PTPRR: variants seen among roughly 807,000 people sequenced by gnomAD.
PTPRR encodes the protein receptor-type tyrosine-protein phosphatase R.
PTPRR carries 38 observed loss-of-function variants against 77.2 expected under a neutral mutation model. The observed-to-expected ratio is 0.49, with a 90% CI of 0.38 to 0.65. PTPRR has a LOEUF of 0.65. Among genes scored for constraint, PTPRR ranks in the 30% least tolerant of loss-of-function variants. The pLI is 0.00. For synonymous variants in PTPRR, 299 were observed against 283.1 expected (o/e 1.06, Z -0.57); for missense variants, 744 against 799.2 (o/e 0.93, Z 0.83).
In PTPRR at chr12:70,743,798, T is replaced by C. The variant is rs370234285; in HGVS notation, c.1007+2020A>G. ...CAAAGATTCACTTTAATGAAATGAA[T>C]AAGTGAATATTTAACCTTATACTCC... On this transcript the variant is annotated intron_variant, in intron 6 of 13. Transcript: ENST00000283228. Among the ~76,000 whole-genome samples, 151 of 152,312 alleles carry C rather than the reference T, an allele frequency of 9.9e-4. 1 individual carries two copies. In the South Asian group the frequency reaches 0.011, roughly 11 times the overall value.
chr12:70,810,209 G>T, intron 2 of PTPRR, among the ~76,000 whole-genome samples: 1 of 152,070 alleles, frequency 6.6e-6, no homozygotes, highest in East Asian at 1.9e-4. Flanking sequence ...CGGTAGCTCT[G>T]TCCCCAAAAA....
intron 6 of PTPRR, among the ~76,000 whole-genome samples, chr12:70,725,323 C>A (rs1042502554): frequency 6.6e-6 from 1 of 152,098 alleles, no homozygotes; most frequent in African/African-American, 2.4e-5. Context: ...CCAAACTATT[C>A]TCAGGAGAAT....
rs754601847 is a variant in PTPRR at position 70,662,550 on chromosome 12, A to C, written c.1553T>G (p.Leu518Arg). Residue 518 changes from leucine to arginine, a missense_variant, in exon 11 of 14, where the codon CTG becomes CGG. By Grantham distance (102) the Leu-to-Arg change is moderately radical. Around this residue, in one of 3 missense-constraint regions of PTPRR, gnomAD observed 170 missense variants for 209.8 expected, o/e 0.81. Transcript: ENST00000283228. Reference protein sequence around the residue: ...KRGIYGKVEVLVISVNECDNY... With the variant: ...KRGIYGKVEVRVISVNECDNY... ...ATCACATTCATTTACACTGATAACC[A>C]GAACCTCAACTTTTCCATATATCCC... 52 of 1,612,862 alleles carry C rather than the reference A, an allele frequency of 3.2e-5. No individual in the cohort carries two copies. In the Admixed American group the frequency reaches 8.3e-4, roughly 26 times the overall value.
intron 2 of PTPRR, among the ~76,000 whole-genome samples, chr12:70,846,827 G>A (rs1484340117): frequency 6.6e-6 from 1 of 152,120 alleles, no homozygotes; most frequent in Non-Finnish European, 1.5e-5. Flanking sequence ...TTGGTTTAGT[G>A]TATTTCATCG....
In PTPRR at chr12:70,780,057, T is replaced by A. The variant is rs367836836; in HGVS notation, c.358-15279A>T. Among the ~76,000 whole-genome samples the A allele has an allele frequency of 1.9e-4, 29 of 152,142 alleles. No homozygotes were observed. The East Asian group carries it at 5.0e-3, about 26-fold the overall frequency. On this transcript the variant is annotated intron_variant, in intron 2 of 13. Coordinates refer to ENST00000283228, the MANE Select transcript of PTPRR (RefSeq NM_002849.4). ...GCCAGGCTGAAGTGCAGTGGTGCAATCTTGGCTCACTGCAACCTCCGCCTA... is the reference window on the plus strand; with the variant it reads ...GCCAGGCTGAAGTGCAGTGGTGCAAACTTGGCTCACTGCAACCTCCGCCTA...
At chr12:70,791,866 T>G (rs145941108) in intron 2 of PTPRR, among the ~76,000 whole-genome samples, 6 of 152,294 alleles carry the variant, frequency 3.9e-5, no homozygotes, top group Non-Finnish European at 7.3e-5. Flanking sequence ...AAAATTACCA[T>G]GTGTATCTGG....
At position 70,684,174 on chromosome 12, in the gene PTPRR, C is replaced by G. The variant is rs1366235972; in HGVS notation, c.1450G>C (p.Asp484His). ...GTGATCATAACAATCACAGGGCTGT[C>G]TTCCTGCCAAACCATCTGCCAGAAA... is the stretch of plus-strand genomic sequence containing the variant. ...DDFWQMVWQE[D>H]SPVIVMITKL... The change falls in exon 10 of 14, where the codon GAC becomes CAC. Residue 484 changes from aspartate to histidine, a missense_variant. Coordinates refer to ENST00000283228, the MANE Select transcript of PTPRR (RefSeq NM_002849.4). The G allele has an allele frequency of 1.2e-6, 2 of 1,614,076 alleles. No individual in the cohort carries two copies. Among genetic ancestry groups the G allele is most frequent in the South Asian group, 1.1e-5 (1 of 91,076 alleles).
At chr12:70,702,103 A>G (rs967622701) in intron 6 of PTPRR, among the ~76,000 whole-genome samples, 1 of 152,186 alleles carries the variant, frequency 6.6e-6, no homozygotes, top group Non-Finnish European at 1.5e-5. Context: ...TAAACTTATA[A>G]GGGGCCATAG....
At chr12:70,780,135 G>A (rs146462762) in intron 2 of PTPRR, among the ~76,000 whole-genome samples, 2,118 of 152,136 alleles carry the variant, frequency 0.014, 49 homozygotes, top group African/African-American at 0.049. Flanking sequence ...GGGACTGCAG[G>A]TGCCCGCCAC....
At chr12:70,863,297 G>A (rs1450951046) in intron 2 of PTPRR, among the ~76,000 whole-genome samples, 1 of 152,074 alleles carries the variant, frequency 6.6e-6, no homozygotes, top group African/African-American at 2.4e-5. Flanking sequence ...TGCAAGTTGT[G>A]TGCTATCAGA....
chr12:70,901,365 AAT>A (rs1287374147), intron 1 of PTPRR, among the ~76,000 whole-genome samples: 1 of 151,652 alleles, frequency 6.6e-6, no homozygotes, highest in Non-Finnish European at 1.5e-5. Context: ...AGTGTCCATC[AAT>A]AGACGAATGG....
At chr12:70,820,253 G>A (rs1283165393) in intron 2 of PTPRR, among the ~76,000 whole-genome samples, 1 of 152,164 alleles carries the variant, frequency 6.6e-6, no homozygotes, top group South Asian at 2.1e-4. Flanking sequence ...AATAGTCTGG[G>A]AAAAGACTGA....
chr12:70,686,683 G>C (rs1169386655), intron 8 of PTPRR, among the ~76,000 whole-genome samples: 3 of 152,124 alleles, frequency 2.0e-5, no homozygotes. Context: ...CCAATGAAGA[G>C]AGAAATAGTG....
At chr12:70,748,244 T>C (rs1173495176) in intron 5 of PTPRR, among the ~76,000 whole-genome samples, 1 of 152,180 alleles carries the variant, frequency 6.6e-6, no homozygotes, top group Non-Finnish European at 1.5e-5. Flanking sequence ...AAAGAAAACC[T>C]AGAATCCAAG....
chr12:70,711,222 G>T (rs1371585198), intron 6 of PTPRR, among the ~76,000 whole-genome samples: 1 of 152,040 alleles, frequency 6.6e-6, no homozygotes, highest in Non-Finnish European at 1.5e-5. Context: ...AAAAAAGAAC[G>T]AGATTATGTC....
chr12:70,741,507 C>T (rs1017803997), intron 6 of PTPRR, among the ~76,000 whole-genome samples: 3 of 152,100 alleles, frequency 2.0e-5, no homozygotes, highest in African/African-American at 7.2e-5. Context: ...ACCTTTGGAC[C>T]TTTGCTGTAT....
intron 4 of PTPRR, among the ~76,000 whole-genome samples, chr12:70,759,679 TAAA>T (rs34011060): frequency 0.13 from 4,425 of 34,044 alleles, 69 homozygotes; most frequent in African/African-American, 0.16. Flanking sequence ...GACTCCGTCT[TAAA>T]AAAAAAAAAA....
intron 2 of PTPRR, among the ~76,000 whole-genome samples, chr12:70,773,566 G>T (rs891749234): frequency 6.6e-6 from 1 of 152,086 alleles, no homozygotes; most frequent in African/African-American, 2.4e-5. Flanking sequence ...TTGGCAGATG[G>T]AGCATATCAT....
At chr12:70,848,677 A>G (rs1331087124) in intron 2 of PTPRR, among the ~76,000 whole-genome samples, 1 of 152,222 alleles carries the variant, frequency 6.6e-6, no homozygotes, top group Non-Finnish European at 1.5e-5. Context: ...TAATAATTTA[A>G]GAATGCAGAT....
Sources: gnomAD v4.1 joint callset for allele counts (sites outside exome capture counted in the v4.1 genomes callset) on GRCh38, gnomAD v4.1.1 for gene constraint, gnomAD v4.1.1 regional missense constraint, MANE v1.5 for transcripts, NCBI Gene and HGNC (gene_info 2026-07-23, HGNC 2026-07-21) for gene names.